PAM: variants seen among roughly 807,000 people sequenced by gnomAD.
PAM encodes peptidyl-glycine alpha-amidating monooxygenase.
A neutral mutation model predicts 122.1 loss-of-function variants in PAM; 72 were observed. The observed-to-expected ratio is 0.59, with a 90% confidence interval of 0.49 to 0.72. The LOEUF (loss-of-function observed/expected upper bound fraction) is 0.72, where lower values mean the gene tolerates loss of function less well. PAM is among the 30% of genes least tolerant of loss of function. The pLI, the probability that PAM is intolerant of heterozygous loss-of-function variation, is 0.00. For synonymous variants in PAM, 389 were observed against 404.4 expected, an observed-to-expected ratio of 0.96 and a Z score of 0.46; for missense variants, 1,106 against 1,183.7, an observed-to-expected ratio of 0.93 and a Z score of 0.96.
chr5:102,929,735 G>T (rs1463926162), intron 7 of PAM, among the ~76,000 whole-genome samples: 1 of 152,136 alleles, frequency 6.6e-6, no homozygotes, highest in African/African-American at 2.4e-5. Context: ...ATCTGAGAGA[G>T]TATAACCTGA....
At chr5:102,866,790 T>G (rs1785713482) in intron 2 of PAM, 1 of 154,146 alleles carries the variant, frequency 6.5e-6, no homozygotes, top group Non-Finnish European at 1.4e-5. Flanking sequence ...CTAGCAAGAT[T>G]ATGGTTGGCT....
At chr5:102,907,835 T>C (rs965338963) in intron 4 of PAM, among the ~76,000 whole-genome samples, 2 of 152,170 alleles carry the variant, frequency 1.3e-5, no homozygotes, top group African/African-American at 2.4e-5. Flanking sequence ...TTTTGTCTTG[T>C]AAATTTGTTG....
intron 1 of PAM, among the ~76,000 whole-genome samples, chr5:102,859,947 C>T (rs1279728788): frequency 6.6e-6 from 1 of 152,144 alleles, no homozygotes; most frequent in Non-Finnish European, 1.5e-5. Flanking sequence ...GCTATACCAT[C>T]TAGGTTTATG....
At chr5:102,974,058 G>A in intron 14 of PAM, 58 bp from the exon 15 acceptor site, 1 of 1,205,098 alleles carries the variant, frequency 8.3e-7, no homozygotes, top group Non-Finnish European at 1.2e-6. Context: ...ACCAAATTTT[G>A]TAAATTTTGC....
At chr5:102,958,757 A>AATATTTTTATTTTTTTCCTT (rs1347271138) in intron 12 of PAM, among the ~76,000 whole-genome samples, 3 of 152,126 alleles carry the variant, frequency 2.0e-5, no homozygotes, top group Admixed American at 2.0e-4. Flanking sequence ...CTGTTTGAAA[A>AATATTTTTATTTTTTTCCTT]ATATTTTTAT....
chr5:102,863,000 T>A (rs113999551), intron 1 of PAM, among the ~76,000 whole-genome samples: 6,798 of 150,704 alleles, frequency 0.045, 461 homozygotes, highest in East Asian at 0.17. Context: ...TTTTTTTTTT[T>A]TAAAAAAAAA....
intron 7 of PAM, among the ~76,000 whole-genome samples, chr5:102,927,839 G>A (rs2151756481): frequency 6.6e-6 from 1 of 151,248 alleles, no homozygotes; most frequent in African/African-American, 2.4e-5. Flanking sequence ...TTTATTTTTA[G>A]ATTAAAAATA....
intron 7 of PAM, among the ~76,000 whole-genome samples, chr5:102,942,168 TC>T (rs1346279060): frequency 1.3e-5 from 2 of 152,140 alleles, no homozygotes; most frequent in Non-Finnish European, 2.9e-5. Flanking sequence ...GAGACCTCAC[TC>T]TTTATTCTCC....
intron 23 of PAM, among the ~76,000 whole-genome samples, chr5:103,020,083 G>A (rs992110081): frequency 6.6e-6 from 1 of 151,954 alleles, no homozygotes; most frequent in Non-Finnish European, 1.5e-5. Context: ...AAGTGATTGA[G>A]GATACAAAAA....
Position 102,758,073 on chromosome 5 carries a change from G to GTTTTTTTTTTTTTTTTTTTTTTTTTTTTT in PAM, c.-374+2732_-374+2760dup, listed in dbSNP as rs1168917285. On this transcript the variant is annotated intron_variant, in intron 1 of 25. Coordinates refer to ENST00000438793, the MANE Select transcript of PAM (RefSeq NM_001177306.2). ...AAAAAAAAAAAAGACTTAGAATTTT[G>GTTTTTTTTTTTTTTTTTTTTTTTTTTTTT]TTTTTTTTTTTTTTTTTTTTTTTTT... Among the ~76,000 whole-genome samples, 3 of 24,814 alleles carry GTTTTTTTTTTTTTTTTTTTTTTTTTTTTT rather than the reference G, an allele frequency of 1.2e-4. 1 individual carries two copies. Among genetic ancestry groups the GTTTTTTTTTTTTTTTTTTTTTTTTTTTTT allele is most frequent in the Non-Finnish European group, 1.8e-4 (2 of 11,124 alleles). 16.3% of individuals were successfully genotyped at this position (24,814 alleles called of 152,430 possible).
chr5:102,898,917 C>T (rs535519950), intron 3 of PAM, among the ~76,000 whole-genome samples: 1 of 151,664 alleles, frequency 6.6e-6, no homozygotes, highest in Non-Finnish European at 1.5e-5. Flanking sequence ...CCATCTTCAG[C>T]TTCATTTTTC....
chr5:102,971,455 C>T (rs1382029524), intron 14 of PAM, among the ~76,000 whole-genome samples: 1 of 152,054 alleles, frequency 6.6e-6, no homozygotes, highest in African/African-American at 2.4e-5. Flanking sequence ...TGAGGAGTTG[C>T]CATACAGGGA....
chr5:102,956,208 G>T (rs774836931), intron 12 of PAM, among the ~76,000 whole-genome samples: 8 of 152,014 alleles, frequency 5.3e-5, no homozygotes, highest in Non-Finnish European at 1.0e-4. Context: ...AAAATCACGT[G>T]TGTAAAGGCA....
Position 103,020,629 on chromosome 5 carries a change from G to A in PAM, c.2485+786G>A, listed in dbSNP as rs140008501. On this transcript the variant is annotated intron_variant, in intron 23 of 25. Coordinates refer to ENST00000438793, the MANE Select transcript of PAM (RefSeq NM_001177306.2). Reference sequence around the variant, plus strand: ...ACATGTCATTTCCAGTTAAGGACTCGCTATGAGTTGCTCATGTTACCTAAT... The same window carrying A: ...ACATGTCATTTCCAGTTAAGGACTCACTATGAGTTGCTCATGTTACCTAAT... 4.5e-4 allele frequency among the ~76,000 whole-genome samples: 68 copies of A among 152,138 alleles called. 2 individuals carry two copies. The highest frequency in any genetic ancestry group is 9.0e-4 in the Non-Finnish European group (61 of 68,004).
At chr5:102,914,331 A>G (rs1407005581) in intron 5 of PAM, among the ~76,000 whole-genome samples, 1 of 152,024 alleles carries the variant, frequency 6.6e-6, no homozygotes, top group South Asian at 2.1e-4. Flanking sequence ...AAAAACTACC[A>G]GTTGGATACT....
chr5:102,839,281 A>C (rs1777915691), intron 1 of PAM, among the ~76,000 whole-genome samples: 1 of 152,200 alleles, frequency 6.6e-6, no homozygotes, highest in Admixed American at 6.5e-5. Flanking sequence ...AAAAGAGTTA[A>C]ACTCTATAGA....
chr5:103,025,855 A>AATAAT (rs1784802670), intron 24 of PAM, among the ~76,000 whole-genome samples: 1 of 152,188 alleles, frequency 6.6e-6, no homozygotes, highest in South Asian at 2.1e-4. Context: ...ACAAAGATGA[A>AATAAT]ATAATGTACA....
intron 12 of PAM, 142 bp from the exon 13 acceptor site, chr5:102,959,733 T>C: frequency 1.6e-6 from 1 of 606,442 alleles, no homozygotes; most frequent in South Asian, 2.1e-5. Flanking sequence ...CTGTGATGGG[T>C]TTTAATGAAA....
intron 3 of PAM, among the ~76,000 whole-genome samples, chr5:102,892,894 G>A (rs572095244): frequency 1.8e-4 from 27 of 151,830 alleles, no homozygotes; most frequent in African/African-American, 6.0e-4. Context: ...TCAAATTGTC[G>A]TTTGTTATAT....
Sources: gnomAD v4.1 joint callset for allele counts (sites outside exome capture counted in the v4.1 genomes callset) on GRCh38, gnomAD v4.1.1 for gene constraint, MANE v1.5 for transcripts, NCBI Gene and HGNC (gene_info 2026-07-23, HGNC 2026-07-21) for gene names.